LAMB4: variants seen among roughly 807,000 people sequenced by gnomAD.
The protein encoded by LAMB4 is laminin subunit beta-4.
In LAMB4, 196 loss-of-function variants were observed where a neutral mutation model predicts 199.2. The observed-to-expected ratio is 0.98, with a 90% confidence interval of 0.88 to 1.11. LAMB4 has a LOEUF of 1.11. Ranked by LOEUF, LAMB4 falls within the 50% of genes least tolerant of loss-of-function variation. The pLI is 0.00. For missense variants in LAMB4, 2,080 were observed against 2,171.2 expected, an observed-to-expected ratio of 0.96 and a Z score of 0.83; for synonymous variants, 744 against 770.6, an observed-to-expected ratio of 0.97 and a Z score of 0.57.
chr7:108,066,065 GT>G, intron 20 of LAMB4, 146 bp from the exon 21 acceptor site: 1 of 773,180 alleles, frequency 1.3e-6, no homozygotes. Context: ...ACGACTTTTG[GT>G]TTTTATATCA....
intron 1 of LAMB4, among the ~76,000 whole-genome samples, chr7:108,128,769 C>T (rs1188370718): frequency 5.3e-5 from 8 of 152,312 alleles, no homozygotes; most frequent in African/African-American, 9.6e-5. Flanking sequence ...TACTGCTTTT[C>T]GGGTTGGTTT....
intron 4 of LAMB4, among the ~76,000 whole-genome samples, chr7:108,110,975 A>C (rs557804512): frequency 1.0e-3 from 155 of 152,338 alleles, no homozygotes; most frequent in Non-Finnish European, 1.9e-3. Flanking sequence ...AAAATCTCTA[A>C]AGGAAATACA....
chr7:108,038,822 A>T (rs2035319585), intron 29 of LAMB4, among the ~76,000 whole-genome samples: 1 of 152,214 alleles, frequency 6.6e-6, no homozygotes, highest in Admixed American at 6.5e-5. Flanking sequence ...TACTTAGTGA[A>T]CACCTACAAT....
At chr7:108,110,142 C>T (rs998327019) in intron 4 of LAMB4, among the ~76,000 whole-genome samples, 1 of 152,154 alleles carries the variant, frequency 6.6e-6, no homozygotes, top group African/African-American at 2.4e-5. Context: ...GATTCTACTG[C>T]CTCAGCCTCC....
rs2528693 is a variant in LAMB4 at position 108,030,962 on chromosome 7, C to A, written c.4836G>T (p.Arg1612Ser). Reference sequence around the variant, plus strand: ...CTAACTCCAGCTCACTCTTCATTTCCCTGGTTTGATTTTCAGCCTGTTGTT... The same window carrying A: ...CTAACTCCAGCTCACTCTTCATTTCACTGGTTTGATTTTCAGCCTGTTGTT... ...KNVLQAENQT[R>S]EMKSELELAK... is the part of the protein sequence containing the mutation. Residue 1612 changes from arginine (R) to serine (S), a missense_variant, in exon 32 of 34, where the codon AGG becomes AGT. Physicochemically the swap from Arg to Ser is moderately radical, Grantham distance 110. Coordinates refer to ENST00000388781, the MANE Select transcript of LAMB4 (RefSeq NM_007356.3). The A allele has an allele frequency of 6.2e-6, 10 of 1,612,266 alleles. No individual in the cohort carries two copies. Among genetic ancestry groups the A allele is most frequent in the South Asian group, 1.1e-5 (1 of 90,664 alleles).
In LAMB4 at chr7:108,047,961, C is replaced by T; in HGVS notation, c.4273G>A (p.Ala1425Thr). Residue 1425 changes from alanine to threonine, a missense_variant, in exon 28 of 34, where the codon GCA becomes ACA. Transcript: ENST00000388781. ...TCCAAATTACGAATAATGGATTTTG[C>T]TTCCTGGGCTTTTTGGAGGGCATTC... ...STNALQKAQE[A>T]KSIIRNLDKQ... The T allele has an allele frequency of 6.2e-7, 1 of 1,614,138 alleles. No individual in the cohort carries two copies. The highest frequency in any genetic ancestry group is 1.1e-5 in the South Asian group (1 of 91,084).
chr7:108,025,655 C>A (rs1490568724), intron 33 of LAMB4, among the ~76,000 whole-genome samples: 2 of 151,954 alleles, frequency 1.3e-5, no homozygotes, highest in East Asian at 1.9e-4. Flanking sequence ...CTTGAACTCC[C>A]AACCTCAGGT....
Position 108,076,948 on chromosome 7 carries a change from T to A in LAMB4, c.2120A>T (p.Asp707Val). ...ESHAHSHVLV[D>V]SLGLIPQINS... Reference sequence around the variant, plus strand: ...ACAAAACTCTGTGATACTTACAGAGTCCACCAGGACATGTGAATGAGCGTG... The same window carrying A: ...ACAAAACTCTGTGATACTTACAGAGACCACCAGGACATGTGAATGAGCGTG... The change falls in exon 17 of 34, where the codon GAC becomes GTC. Residue 707 changes from aspartate to valine, a missense_variant. By Grantham distance (152) the Asp-to-Val change is radical. Coordinates refer to ENST00000388781, the MANE Select transcript of LAMB4 (RefSeq NM_007356.3). 6.2e-7 allele frequency: 1 copy of A among 1,613,852 alleles called. No homozygotes were observed. The highest frequency in any genetic ancestry group is 8.5e-7 in the Non-Finnish European group (1 of 1,179,932).
chr7:108,114,841 G>A (rs998959832), intron 3 of LAMB4, among the ~76,000 whole-genome samples: 14 of 152,274 alleles, frequency 9.2e-5, no homozygotes, highest in African/African-American at 3.4e-4. Flanking sequence ...TGCTTGTTCT[G>A]TTCCCAGTAC....
intron 29 of LAMB4, among the ~76,000 whole-genome samples, chr7:108,042,358 A>G (rs1021405498): frequency 6.6e-6 from 1 of 151,954 alleles, no homozygotes; most frequent in Non-Finnish European, 1.5e-5. Flanking sequence ...TTTATTAGAA[A>G]CGTATTCAGT....
intron 28 of LAMB4, among the ~76,000 whole-genome samples, chr7:108,045,575 A>C (rs561720722): frequency 3.3e-5 from 5 of 152,390 alleles, no homozygotes; most frequent in African/African-American, 1.2e-4. Flanking sequence ...TTATTGACTT[A>C]ATGATATGAT....
chr7:108,109,791 C>A (rs555549971), intron 4 of LAMB4, among the ~76,000 whole-genome samples: 19 of 152,070 alleles, frequency 1.2e-4, no homozygotes, highest in African/African-American at 4.6e-4. Flanking sequence ...GTGTTTTGCA[C>A]TGAGCTAGTT....
intron 12 of LAMB4, among the ~76,000 whole-genome samples, chr7:108,093,286 T>C (rs953542757): frequency 2.0e-5 from 3 of 152,078 alleles, no homozygotes; most frequent in African/African-American, 7.2e-5. Context: ...AGGCTGGTCT[T>C]GAACTCCTGA....
rs1265637984 is a variant in LAMB4 at position 108,055,741 on chromosome 7, C to T, written c.3646G>A (p.Asp1216Asn). The change falls in exon 25 of 34, where the codon GAC (aspartate) becomes AAC (asparagine). Residue 1216 changes from aspartate to asparagine, a missense_variant. Transcript: ENST00000388781. ...KRETLPVCEA[D>N]FKDLRGNVSE... ...ACGTTCCCTCTGAGGTCTTTGAAGT[C>T]TGCCTCACAGACAGGCAGGGTCTCT... The T allele has an allele frequency of 6.2e-7, 1 of 1,614,210 alleles. No homozygotes were observed. Among genetic ancestry groups the T allele is most frequent in the African/African-American group, 1.3e-5 (1 of 75,062 alleles).
At chr7:108,077,095 G>A (rs766006770) in intron 16 of LAMB4, 31 bp from the exon 17 acceptor site, 3 of 1,608,528 alleles carry the variant, frequency 1.9e-6, no homozygotes, top group Admixed American at 3.3e-5. Flanking sequence ...CAAAAATTCA[G>A]ACCACAGAAA....
At position 108,066,405 on chromosome 7, in the gene LAMB4, T is replaced by C. The variant is rs557671436; in HGVS notation, c.2642A>G (p.Asn881Ser). ...TCTGCCAGTTGTAAAGCCTCCACAA[T>C]TGAAGCATGACCCTGTCTCAGGATC... ...LCDPETGSCFNCGGFTTGRNC... is the reference protein window; with the variant it reads ...LCDPETGSCFSCGGFTTGRNC... The change falls in exon 20 of 34, where the codon AAT becomes AGT. Residue 881 changes from asparagine (N) to serine (S), a missense_variant. Physicochemically the swap from Asn to Ser is conservative, Grantham distance 46 (BLOSUM62 1). Coordinates refer to ENST00000388781, the MANE Select transcript of LAMB4 (RefSeq NM_007356.3). The C allele has an allele frequency of 8.5e-5, 138 of 1,614,040 alleles. No homozygotes were observed. The highest frequency in any genetic ancestry group is 4.0e-4 in the South Asian group (36 of 91,082).
intron 14 of LAMB4, among the ~76,000 whole-genome samples, chr7:108,080,533 T>C (rs1030433701): frequency 6.6e-6 from 1 of 152,140 alleles, no homozygotes; most frequent in Non-Finnish European, 1.5e-5. Flanking sequence ...CATCTCAAAC[T>C]CTTTCTAACT....
At chr7:108,061,739 C>T (rs867794775) in intron 23 of LAMB4, among the ~76,000 whole-genome samples, 102 of 74,352 alleles carry the variant, frequency 1.4e-3, no homozygotes, top group South Asian at 0.012. Flanking sequence ...ACTCTTGTCT[C>T]AAAAAAAAAA....
chr7:108,028,992 A>C, intron 33 of LAMB4, 51 bp downstream of exon 33: 22 of 1,507,400 alleles, frequency 1.5e-5, no homozygotes, highest in Non-Finnish European at 1.8e-5. Context: ...AGTAAGGTAG[A>C]GTACCATGAT....
Sources: gnomAD v4.1 joint callset for allele counts (sites outside exome capture counted in the v4.1 genomes callset) on GRCh38, gnomAD v4.1.1 for gene constraint, MANE v1.5 for transcripts, NCBI Gene and HGNC (gene_info 2026-07-23, HGNC 2026-07-21) for gene names.